AP3B1: variants seen among roughly 807,000 people sequenced by gnomAD.
AP3B1 encodes the protein AP-3 complex subunit beta-1.
In AP3B1, 61 loss-of-function variants were observed where a neutral mutation model predicts 132.5. The ratio of observed to expected loss-of-function variants is 0.46; its 90% CI spans 0.37 to 0.57. The LOEUF (loss-of-function observed/expected upper bound fraction) is 0.57. Ranked by LOEUF, AP3B1 falls within the 20% of genes least tolerant of loss-of-function variation. The pLI, the probability that AP3B1 is intolerant of heterozygous loss-of-function variation, is 0.00. For missense variants in AP3B1, 1,120 were observed against 1,289.4 expected (o/e 0.87, Z 2.01); for synonymous variants, 388 against 438.3 (o/e 0.89, Z 1.43).
chr5:78,039,255 A>T lies in AP3B1; in HGVS notation c.2597T>A (p.Val866Glu). ...SVISVSTPAF[V>E]PTKTHVLLHR... is the part of the protein sequence containing the mutation. Reference sequence around the variant, plus strand: ...AAGCAGCACGTGAGTTTTCGTTGGTACAAATGCAGGAGTACTGACCTATTA... The same window carrying T: ...AAGCAGCACGTGAGTTTTCGTTGGTTCAAATGCAGGAGTACTGACCTATTA... The change falls in exon 23 of 27, where the codon GTA (valine) becomes GAA (glutamate). Residue 866 changes from valine to glutamate, a missense_variant. Physicochemically the swap from Val to Glu is moderately radical, Grantham distance 121. This residue lies in a region of AP3B1 where 906 missense variants were observed against 997.1 expected (regional missense o/e 0.91). Transcript: ENST00000255194. 6.2e-7 allele frequency: 1 copy of T among 1,614,182 alleles called. No homozygotes were observed. The highest frequency in any genetic ancestry group is 1.7e-5 in the Admixed American group (1 of 60,032).
In AP3B1 at chr5:78,209,761, T is replaced by G. The variant is rs546908726; in HGVS notation, c.786+6294A>C. The stretch of plus-strand genomic sequence containing the variant: ...AGGGAAAAGAACTGAGGAAGCTAAT[T>G]CAGACATTGAGAAGGGTCACTCAGA... On this transcript the variant is annotated intron_variant, in intron 7 of 26. Coordinates refer to ENST00000255194, the MANE Select transcript of AP3B1 (RefSeq NM_003664.5). Among the ~76,000 whole-genome samples the G allele has an allele frequency of 1.1e-3, 165 of 152,288 alleles. 1 individual carries two copies. The highest frequency in any genetic ancestry group is 3.7e-3 in the African/African-American group (155 of 41,568).
At chr5:78,202,554 T>TGTGTGTGA (rs1360167428) in intron 7 of AP3B1, among the ~76,000 whole-genome samples, 1,348 of 64,512 alleles carry the variant, frequency 0.021, 21 homozygotes, top group African/African-American at 0.076. Context: ...ATATATTCAG[T>TGTGTGTGA]GTGTGTGTGT....
chr5:78,102,456 T>C (rs985301218), intron 20 of AP3B1, among the ~76,000 whole-genome samples: 3 of 152,152 alleles, frequency 2.0e-5, no homozygotes, highest in Non-Finnish European at 2.9e-5. Flanking sequence ...TTTTCATTCC[T>C]TATTTAAAAA....
At chr5:78,246,608 A>G (rs1456823188) in intron 2 of AP3B1, among the ~76,000 whole-genome samples, 1 of 152,170 alleles carries the variant, frequency 6.6e-6, no homozygotes, top group African/African-American at 2.4e-5. Context: ...CATTTCAACA[A>G]AGTAGTCAAA....
At chr5:78,156,042 C>G (rs1254300288) in intron 14 of AP3B1, among the ~76,000 whole-genome samples, 1 of 152,154 alleles carries the variant, frequency 6.6e-6, no homozygotes, top group Non-Finnish European at 1.5e-5. Flanking sequence ...ACACTGCTAT[C>G]TCCAATTCCA....
chr5:78,046,423 C>A (rs774664056), intron 22 of AP3B1, among the ~76,000 whole-genome samples: 44 of 152,176 alleles, frequency 2.9e-4, no homozygotes, highest in Non-Finnish European at 5.1e-4. Flanking sequence ...CTATTCCCAA[C>A]GGTCCATGGA....
intron 14 of AP3B1, among the ~76,000 whole-genome samples, chr5:78,155,824 T>G (rs563995998): frequency 1.4e-4 from 22 of 152,096 alleles, no homozygotes; most frequent in African/African-American, 4.8e-4. Context: ...AAACCAATGA[T>G]ACACTTCAAA....
At chr5:78,170,911 T>C (rs990268710) in intron 11 of AP3B1, among the ~76,000 whole-genome samples, 1 of 152,222 alleles carries the variant, frequency 6.6e-6, no homozygotes, top group Non-Finnish European at 1.5e-5. Flanking sequence ...ATTTTTTGTA[T>C]AAAGTGTAAG....
chr5:78,117,913 A>G (rs140169694), intron 17 of AP3B1, among the ~76,000 whole-genome samples: 1 of 152,002 alleles, frequency 6.6e-6, no homozygotes, highest in Non-Finnish European at 1.5e-5. Context: ...AATAGTTGAG[A>G]CTCATTTATT....
At chr5:78,209,300 T>G (rs1438737868) in intron 7 of AP3B1, among the ~76,000 whole-genome samples, 1 of 152,136 alleles carries the variant, frequency 6.6e-6, no homozygotes, top group African/African-American at 2.4e-5. Flanking sequence ...AACATAGACC[T>G]TAAGTCTGAT....
chr5:78,285,260 A>C (rs1242295961), intron 1 of AP3B1, among the ~76,000 whole-genome samples: 1 of 151,820 alleles, frequency 6.6e-6, no homozygotes, highest in Non-Finnish European at 1.5e-5. Flanking sequence ...AAAAAAAAAA[A>C]AAATACTAAC....
At chr5:78,246,150 T>TA (rs1747371251) in intron 2 of AP3B1, among the ~76,000 whole-genome samples, 1 of 152,204 alleles carries the variant, frequency 6.6e-6, no homozygotes, top group South Asian at 2.1e-4. Flanking sequence ...GGCATCTGAT[T>TA]AAAAGAGTGA....
intron 14 of AP3B1, among the ~76,000 whole-genome samples, chr5:78,141,654 T>C (rs1753151878): frequency 6.6e-6 from 1 of 152,168 alleles, no homozygotes. Context: ...GTTGCTGCTT[T>C]TGTGCTATAA....
intron 22 of AP3B1, among the ~76,000 whole-genome samples, chr5:78,088,421 T>C (rs991977165): frequency 1.1e-4 from 17 of 152,342 alleles, no homozygotes; most frequent in African/African-American, 3.8e-4. Context: ...AGGTGACCAA[T>C]GTTGAACAGA....
downstream of AP3B1, chr5:78,002,242 A>C (rs1367951109): frequency 5.6e-6 from 1 of 177,054 alleles, no homozygotes; most frequent in African/African-American, 2.4e-5. Flanking sequence ...TGTAACACTC[A>C]AAATACTTGC....
In AP3B1 at chr5:78,141,338, T is replaced by G. The variant is rs778305512; in HGVS notation, c.1474-19A>C. 1 of 1,605,604 alleles carries G rather than the reference T, an allele frequency of 6.2e-7. No homozygotes were observed. Among genetic ancestry groups the G allele is most frequent in the African/African-American group, 1.3e-5 (1 of 74,834 alleles). On this transcript the variant is annotated intron_variant, in intron 14 of 26. Transcript: ENST00000255194. ...CAGGAACCTAATATGAGAAGCAGAT[T>G]ACATAGTTAGAAGTAAGTTAATCAT...
At chr5:78,087,611 A>G in intron 22 of AP3B1, 1 of 985,368 alleles carries the variant, frequency 1.0e-6, no homozygotes, top group Non-Finnish European at 1.2e-6. Context: ...TGCTTCACTC[A>G]GCCGTGTCAA....
chr5:78,069,340 T>C (rs945074510), intron 22 of AP3B1, among the ~76,000 whole-genome samples: 5 of 152,220 alleles, frequency 3.3e-5, no homozygotes, highest in African/African-American at 4.8e-5. Flanking sequence ...CATGATCTTA[T>C]ATCTAGAAAA....
At chr5:78,091,247 T>A (rs1750495772) in intron 21 of AP3B1, among the ~76,000 whole-genome samples, 2 of 60,476 alleles carry the variant, frequency 3.3e-5, no homozygotes, top group African/African-American at 6.6e-5. Context: ...TAACAAAACC[T>A]AATTAAGAAA....
Sources: gnomAD v4.1 joint callset for allele counts (sites outside exome capture counted in the v4.1 genomes callset) on GRCh38, gnomAD v4.1.1 for gene constraint, gnomAD v4.1.1 regional missense constraint, MANE v1.5 for transcripts, NCBI Gene and HGNC (gene_info 2026-07-23, HGNC 2026-07-21) for gene names.